MYH15: variants seen among roughly 807,000 people sequenced by gnomAD.
MYH15 encodes myosin-15.
A neutral mutation model predicts 240.5 loss-of-function variants in MYH15; 227 were observed. The observed-to-expected ratio is 0.94, with a 90% CI of 0.85 to 1.05. The LOEUF (loss-of-function observed/expected upper bound fraction) is 1.05, where lower values mean the gene tolerates loss of function less well. MYH15 is among the 50% of genes least tolerant of loss of function. MYH15 has a pLI of 0.00. For synonymous variants in MYH15, 785 were observed against 796.7 expected (o/e 0.99, Z 0.25); for missense variants, 2,217 against 2,247.5 (o/e 0.99, Z 0.27).
intron 19 of MYH15, among the ~76,000 whole-genome samples, 195 bp downstream of exon 19, chr3:108,456,571 C>T (rs892831539): frequency 1.3e-5 from 2 of 152,120 alleles, no homozygotes; most frequent in African/African-American, 4.8e-5. Flanking sequence ...AAGGATATTA[C>T]AGTTACATGG....
chr3:108,542,847 T>C, the MYH15 span, among the ~76,000 whole-genome samples: 1 of 151,970 alleles, frequency 6.6e-6, no homozygotes, highest in Admixed American at 6.6e-5. Context: ...CTTCCAACTC[T>C]ATCCATGTCC....
At chr3:108,445,961 G>C (rs899851724) in intron 21 of MYH15, among the ~76,000 whole-genome samples, 38 of 152,088 alleles carry the variant, frequency 2.5e-4, no homozygotes, top group African/African-American at 8.9e-4. Context: ...AGTGAATTGA[G>C]AAAAGAATAA....
intron 9 of MYH15, among the ~76,000 whole-genome samples, chr3:108,488,482 A>G (rs2083322271): frequency 6.6e-6 from 1 of 151,928 alleles, no homozygotes; most frequent in East Asian, 1.9e-4. Flanking sequence ...TAATTTTTAA[A>G]TTTTTTGTAG....
rs904814665 is a variant in MYH15, at chr3:108,398,597, C to T, written c.5133+40G>A. 10 of 1,605,194 alleles carry T rather than the reference C, an allele frequency of 6.2e-6. 1 individual carries two copies. The South Asian group carries it at 1.1e-4, about 18-fold the overall frequency. ...CAAGTGTGGGAACCACTGCCTTCAA[C>T]CAACTGGCCCAGCTAATAGGGAGAG... is the stretch of plus-strand genomic sequence containing the variant. On this transcript the variant is annotated intron_variant, in intron 35 of 40. Coordinates refer to ENST00000693548, the MANE Select transcript of MYH15 (RefSeq NM_014981.3).
At chr3:108,433,632 T>C (rs1166042446) in intron 25 of MYH15, among the ~76,000 whole-genome samples, 2 of 152,182 alleles carry the variant, frequency 1.3e-5, no homozygotes, top group East Asian at 1.9e-4. Context: ...GTTCTCATGA[T>C]AGTGAGTAAG....
intron 38 of MYH15, among the ~76,000 whole-genome samples, chr3:108,385,771 C>T (rs1456494341): frequency 6.6e-6 from 1 of 151,230 alleles, no homozygotes; most frequent in African/African-American, 2.4e-5. Context: ...AATGTTCCCC[C>T]TACTTACCTT....
At chr3:108,517,963 A>G (rs1039532188) in intron 1 of MYH15, among the ~76,000 whole-genome samples, 1 of 152,222 alleles carries the variant, frequency 6.6e-6, no homozygotes, top group Non-Finnish European at 1.5e-5. Context: ...ATACAGGTCA[A>G]GGAGGCATAA....
intron 35 of MYH15, among the ~76,000 whole-genome samples, chr3:108,396,171 A>C (rs1023494410): frequency 6.6e-6 from 1 of 152,062 alleles, no homozygotes; most frequent in Non-Finnish European, 1.5e-5. Context: ...GCTGATCCTC[A>C]TCTCTCTCTA....
At chr3:108,452,923 C>G (rs927939350) in intron 21 of MYH15, among the ~76,000 whole-genome samples, 2 of 151,786 alleles carry the variant, frequency 1.3e-5, no homozygotes, top group Non-Finnish European at 2.9e-5. Context: ...TCGAGACCAG[C>G]CTGGGCAACA....
chr3:108,515,023 AGAC>A (rs1265815741), upstream of MYH15, among the ~76,000 whole-genome samples: 1 of 152,148 alleles, frequency 6.6e-6, no homozygotes, highest in Non-Finnish European at 1.5e-5. Context: ...ATCCACTTTT[AGAC>A]GACACAGTTT....
At chr3:108,440,018 C>T in intron 23 of MYH15, 105 bp from the exon 24 acceptor site, 1 of 1,003,198 alleles carries the variant, frequency 1.0e-6, no homozygotes, top group Non-Finnish European at 1.4e-6. Context: ...ATGAGGTATC[C>T]AATGTCACAA....
chr3:108,458,024 A>G (rs2083037915), intron 18 of MYH15, among the ~76,000 whole-genome samples: 2 of 151,956 alleles, frequency 1.3e-5, no homozygotes, highest in South Asian at 4.2e-4. Context: ...CTCTAGTCTC[A>G]GCAACAGAGC....
At chr3:108,526,467 C>T (rs1285749840) in intron 1 of MYH15, among the ~76,000 whole-genome samples, 1 of 152,126 alleles carries the variant, frequency 6.6e-6, no homozygotes, top group African/African-American at 2.4e-5. Context: ...CAGTTCAGCT[C>T]ATGATCTGTT....
chr3:108,430,957 G>C, intron 25 of MYH15, 35 bp from the exon 26 acceptor site: 1 of 1,394,090 alleles, frequency 7.2e-7, no homozygotes, highest in Non-Finnish European at 1.0e-6. Flanking sequence ...CAATTGTTCA[G>C]AATAATAACA....
At chr3:108,525,750 T>C (rs1260426661) in intron 1 of MYH15, among the ~76,000 whole-genome samples, 1 of 152,100 alleles carries the variant, frequency 6.6e-6, no homozygotes, top group Non-Finnish European at 1.5e-5. Context: ...GCAAAGCAGA[T>C]GCCATGACTT....
At chr3:108,383,214 G>A (rs1200457958) in intron 40 of MYH15, among the ~76,000 whole-genome samples, 4 of 152,190 alleles carry the variant, frequency 2.6e-5, no homozygotes, top group Admixed American at 6.5e-5. Flanking sequence ...AGTCACGTAT[G>A]TGTCTACTGT....
intron 27 of MYH15, among the ~76,000 whole-genome samples, chr3:108,422,924 C>T (rs555845690): frequency 4.6e-5 from 7 of 152,272 alleles, no homozygotes; most frequent in African/African-American, 1.4e-4. Context: ...CTGGAACCTA[C>T]GCTCTGTTTA....
intron 17 of MYH15, among the ~76,000 whole-genome samples, chr3:108,459,891 T>C (rs1210179120): frequency 1.3e-5 from 2 of 152,162 alleles, no homozygotes; most frequent in Non-Finnish European, 2.9e-5. Flanking sequence ...AAGCAATGAT[T>C]CAGACTCAGC....
chr3:108,437,512 T>A, intron 25 of MYH15, 42 bp downstream of exon 25: 8 of 1,588,802 alleles, frequency 5.0e-6, no homozygotes, highest in Non-Finnish European at 6.8e-6. Flanking sequence ...CCTTCTAATA[T>A]AAGGTCTCCA....
Sources: gnomAD v4.1 joint callset for allele counts (sites outside exome capture counted in the v4.1 genomes callset) on GRCh38, gnomAD v4.1.1 for gene constraint, MANE v1.5 for transcripts, NCBI Gene and HGNC (gene_info 2026-07-23, HGNC 2026-07-21) for gene names.